Variants in GPSM1 observed in about 807,000 individuals in gnomAD.
The protein encoded by GPSM1 is G protein signaling modulator 1.
In GPSM1, 48 loss-of-function variants were observed where a neutral mutation model predicts 70.5. The ratio of observed to expected loss-of-function variants is 0.68; its 90% CI spans 0.54 to 0.87. The LOEUF (loss-of-function observed/expected upper bound fraction) is 0.87, where lower values mean the gene tolerates loss of function less well. Ranked by LOEUF, GPSM1 falls within the 40% of genes least tolerant of loss-of-function variation. The probability of loss-of-function intolerance (pLI) is 0.00; values close to 1 mark genes in which losing one functional copy is unlikely to be tolerated. For missense variants in GPSM1, 981 were observed against 972.6 expected (o/e 1.01, Z -0.11); for synonymous variants, 416 against 430.1 (o/e 0.97, Z 0.41).
At chr9:136,346,694 C>T (rs1832530867) in intron 9 of GPSM1, among the ~76,000 whole-genome samples, 2 of 152,214 alleles carry the variant, frequency 1.3e-5, no homozygotes, top group Admixed American at 1.3e-4. Context: ...CCCTGAGAGA[C>T]CCTGACACTC....
Position 136,335,986 on chromosome 9 carries a change from G to A in GPSM1, c.311G>A (p.Gly104Glu), listed in dbSNP as rs880003197. The A allele has an allele frequency of 6.2e-7, 1 of 1,612,532 alleles. No individual in the cohort carries two copies. Among genetic ancestry groups the A allele is most frequent in the South Asian group, 1.1e-5 (1 of 91,036 alleles). ...TCCAGGACCATCGGTGACCGCATGG[G>A]GGAGGCCAAGGCCAGTGGAAACCTG... Reference protein sequence around the residue: ...LLARTIGDRMGEAKASGNLGN... With the variant: ...LLARTIGDRMEEAKASGNLGN... The change falls in exon 3 of 14, where the codon GGG becomes GAG. Residue 104 changes from glycine to glutamate, a missense_variant. Transcript: ENST00000440944.
At chr9:136,337,374 C>A (rs1277656975) in intron 4 of GPSM1, 67 bp from the exon 5 acceptor site, 1 of 1,546,170 alleles carries the variant, frequency 6.5e-7, no homozygotes, top group Non-Finnish European at 8.7e-7. Context: ...CTACTCAGCT[C>A]TTCTAGCCTG....
chr9:136,336,984 TC>T lies in GPSM1; in HGVS notation c.492del (p.Trp165GlyfsTer35). 6.4e-7 allele frequency: 1 copy of T among 1,555,430 alleles called. No individual in the cohort carries two copies. Among genetic ancestry groups the T allele is most frequent in the Non-Finnish European group, 8.7e-7 (1 of 1,149,998 alleles). The stretch of plus-strand genomic sequence containing the variant: ...GTACCACGCCAAAGGCAAGCAACTG[TC>T]CTGGAACGCCGCAAACGCCACGCAG... The part of the protein sequence containing the change: ...NVYHAKGKQL[S>X]WNAANATQDP... On this transcript the variant is annotated frameshift_variant, in exon 4 of 14. Transcript: ENST00000440944. LOFTEE classifies it high-confidence loss of function.
intron 2 of GPSM1, among the ~76,000 whole-genome samples, chr9:136,335,212 A>G (rs147931340): frequency 0.99 from 150,671 of 152,184 alleles, 74,590 homozygotes; most frequent in East Asian, 1. Context: ...GCCCACTCCC[A>G]GCCACTGCTC....
Position 136,332,414 on chromosome 9 carries a change from T to A in GPSM1, c.69-2033T>A, listed in dbSNP as rs545063442. Among the ~76,000 whole-genome samples the A allele has an allele frequency of 3.9e-5, 6 of 152,306 alleles. No homozygotes were observed. In the East Asian group the frequency reaches 9.7e-4, roughly 25 times the overall value. ...TTCGCCTTGAGCCTCGGATGCCACG[T>A]CTCCGGCTGGAAGGGAGGCGGGAGG... On this transcript the variant is annotated intron_variant, in intron 1 of 13. Transcript: ENST00000440944.
chr9:136,354,953 G>C (rs1218460718), intron 11 of GPSM1: 1 of 1,036,578 alleles, frequency 9.6e-7, no homozygotes, highest in Non-Finnish European at 1.2e-6. Context: ...GGCAGGTGAC[G>C]GACAGAGGCC....
Position 136,339,078 on chromosome 9 carries a change from A to G in GPSM1, c.974+368A>G, listed in dbSNP as rs986855631. Among the ~76,000 whole-genome samples, 3 of 152,190 alleles carry G rather than the reference A, an allele frequency of 2.0e-5. No homozygotes were observed. In the East Asian group the frequency reaches 5.8e-4, roughly 29 times the overall value. ...TGGCCGGAACAAGGGGCTCAGAGCCACAGGCCTGTGGCCTTTCACAGGCAG... is the reference window on the plus strand; with the variant it reads ...TGGCCGGAACAAGGGGCTCAGAGCCGCAGGCCTGTGGCCTTTCACAGGCAG... On this transcript the variant is annotated intron_variant, in intron 7 of 13. Coordinates refer to ENST00000440944, the MANE Select transcript of GPSM1 (RefSeq NM_001145638.3).
intron 1 of GPSM1, among the ~76,000 whole-genome samples, chr9:136,332,839 CAA>C (rs150554566): frequency 0.29 from 19,018 of 65,338 alleles, 1,504 homozygotes; most frequent in Middle Eastern, 0.48. Flanking sequence ...CCATCTCTAC[CAA>C]AAAAAAAAAA....
rs200096068 is a variant in GPSM1, at chr9:136,337,815, T to C, written c.703-31T>C. 297 of 1,540,254 alleles carry C rather than the reference T, an allele frequency of 1.9e-4. No individual in the cohort carries two copies. The East Asian group carries it at 6.4e-3, about 33-fold the overall frequency. On this transcript the variant is annotated intron_variant, in intron 5 of 13. Transcript: ENST00000440944. ...CACGTCAGGCCCCGGGGCTGCGCCA[T>C]GACCACCTGGCCTCCGGTGTGTCTC... is the stretch of plus-strand genomic sequence containing the variant.
chr9:136,347,422 A>G (rs182912076), intron 9 of GPSM1, among the ~76,000 whole-genome samples: 130 of 150,604 alleles, frequency 8.6e-4, no homozygotes, highest in Non-Finnish European at 1.5e-3. Context: ...AAGGGTGGGC[A>G]TAGGGGGGTG....
Position 136,358,148 on chromosome 9 carries a change from C to A in GPSM1, c.1956C>A (p.Leu652=). The A allele has an allele frequency of 6.2e-7, 1 of 1,604,452 alleles. No individual in the cohort carries two copies. Residue 652 remains leucine (L), a synonymous_variant, in exon 14 of 14, where the codon CTC becomes CTA. Coordinates refer to ENST00000440944, the MANE Select transcript of GPSM1 (RefSeq NM_001145638.3). ...GCATGGACGAGCAGCGGGTGGACCT[C>A]GCCGGGGGCCCGGAGCAGGGGGCAG... ...AKRMDEQRVD[L]AGGPEQGAGG... is the part of the protein sequence containing the mutation.
intron 9 of GPSM1, among the ~76,000 whole-genome samples, chr9:136,348,441 C>T (rs944087750): frequency 1.3e-5 from 2 of 152,216 alleles, no homozygotes; most frequent in African/African-American, 4.8e-5. Flanking sequence ...GCCCTTCCAG[C>T]ACAGGGAGCC....
chr9:136,328,135 G>C (rs1478787741), intron 1 of GPSM1, among the ~76,000 whole-genome samples: 1 of 152,198 alleles, frequency 6.6e-6, no homozygotes, highest in African/African-American at 2.4e-5. Flanking sequence ...TGGCTGCTCT[G>C]GATGGGGCTC....
At chr9:136,355,976 C>T in intron 12 of GPSM1, 130 bp downstream of exon 12, 1 of 738,652 alleles carries the variant, frequency 1.4e-6, no homozygotes, top group South Asian at 1.9e-5. Context: ...CACCCTGTCA[C>T]TGAGGGCGCC....
At chr9:136,352,797 A>T (rs1554772365) in intron 11 of GPSM1, among the ~76,000 whole-genome samples, 1 of 152,216 alleles carries the variant, frequency 6.6e-6, no homozygotes, top group African/African-American at 2.4e-5. Context: ...GCTCTTCGGC[A>T]GGCTGTCTGC....
In GPSM1 at chr9:136,336,996, G is replaced by A. The variant is rs528339901; in HGVS notation, c.502G>A (p.Ala168Thr). Reference protein sequence around the residue: ...AKGKQLSWNAANATQDPGHLP... With the variant: ...AKGKQLSWNATNATQDPGHLP... ...AGGCAAGCAACTGTCCTGGAACGCC[G>A]CAAACGCCACGCAGGACCCCGGGCA... Residue 168 changes from alanine to threonine, a missense_variant, in exon 4 of 14, where the codon GCA becomes ACA. Coordinates refer to ENST00000440944, the MANE Select transcript of GPSM1 (RefSeq NM_001145638.3). 67 of 1,553,862 alleles carry A rather than the reference G, an allele frequency of 4.3e-5. No homozygotes were observed. In the South Asian group the frequency reaches 5.5e-4, roughly 13 times the overall value.
In GPSM1 at chr9:136,358,387, G is replaced by A; in HGVS notation, c.*167G>A. On this transcript the variant is annotated 3_prime_UTR_variant, in exon 14 of 14. Transcript: ENST00000440944. Reference sequence around the variant, plus strand: ...GCTCAGGCCAAGCTGCCCGTGGTGGGAGGGCGTGCTTCCATCCCGGGCTGG... The same window carrying A: ...GCTCAGGCCAAGCTGCCCGTGGTGGAAGGGCGTGCTTCCATCCCGGGCTGG... 7.6e-6 allele frequency: 5 copies of A among 659,860 alleles called. No individual in the cohort carries two copies. Among genetic ancestry groups the A allele is most frequent in the South Asian group, 5.6e-5 (3 of 53,234 alleles). The allele number at this position is 659,860 out of a possible 1,614,324, so 40.9% of individuals were successfully genotyped here.
At position 136,340,979 on chromosome 9, in the gene GPSM1, G is replaced by A; in HGVS notation, c.1193G>A (p.Gly398Asp). The A allele has an allele frequency of 1.3e-6, 2 of 1,565,748 alleles. No individual in the cohort carries two copies. Among genetic ancestry groups the A allele is most frequent in the Non-Finnish European group, 1.7e-6 (2 of 1,155,744 alleles). Residue 398 changes from glycine (G) to aspartate (D), a missense_variant, in exon 9 of 14, where the codon GGC becomes GAC. Physicochemically the swap from Gly to Asp is moderately conservative, Grantham distance 94. Coordinates refer to ENST00000440944, the MANE Select transcript of GPSM1 (RefSeq NM_001145638.3). This position sits in a 1 kb window ranked among gnomAD's most constrained non-coding sequence, Gnocchi z 7.3. ...GCCTCAGAGAAGCCTGACCTGGCCG[G>A]CTATGAGGCCCAGGGTGAGTTCCAG... ...PAASEKPDLA[G>D]YEAQGARPKR...
chr9:136,336,192 C>T (rs1282333099), intron 3 of GPSM1, 91 bp downstream of exon 3: 1 of 1,402,136 alleles, frequency 7.1e-7, no homozygotes, highest in Non-Finnish European at 9.7e-7. Context: ...ACTCACCACT[C>T]ATCCAGCTCC....
Sources: gnomAD v4.1 joint callset for allele counts (sites outside exome capture counted in the v4.1 genomes callset) on GRCh38, gnomAD v4.1.1 for gene constraint, Gnocchi (gnomAD v3.1) non-coding constraint, MANE v1.5 for transcripts, NCBI Gene and HGNC (gene_info 2026-07-23, HGNC 2026-07-21) for gene names.